Variants in CLNK observed in about 807,000 individuals in gnomAD.
The protein encoded by CLNK is cytokine dependent hematopoietic cell linker, also known as cytokine-dependent hematopoietic cell linker.
CLNK carries 74 observed loss-of-function variants against 68.6 expected under a neutral mutation model. That is an observed-to-expected ratio of 1.08 (90% CI 0.89 to 1.31). The LOEUF is 1.31. CLNK is among the 50% of genes most tolerant of loss of function. The probability of loss-of-function intolerance (pLI) is 0.00; values close to 1 mark genes in which losing one functional copy is unlikely to be tolerated. For synonymous variants in CLNK, 198 were observed against 172.2 expected (o/e 1.15, Z -1.17); for missense variants, 553 against 515.3 (o/e 1.07, Z -0.71).
Position 10,573,218 on chromosome 4 carries a change from C to T in CLNK, c.113-1440G>A, listed in dbSNP as rs527711587. 1.8e-3 allele frequency among the ~76,000 whole-genome samples: 268 copies of T among 152,238 alleles called. 1 individual carries two copies. Among genetic ancestry groups the T allele is most frequent in the African/African-American group, 6.3e-3 (260 of 41,532 alleles). Reference sequence around the variant, plus strand: ...AAGAGTTGTTAATTGTATCAGCATGCCCAAATCTTTTCTAAGGTGTAATGT... The same window carrying T: ...AAGAGTTGTTAATTGTATCAGCATGTCCAAATCTTTTCTAAGGTGTAATGT... On this transcript the variant is annotated intron_variant, in intron 4 of 18. Coordinates refer to ENST00000226951, the MANE Select transcript of CLNK (RefSeq NM_052964.4).
chr4:10,590,874 C>T (rs1721156506), intron 3 of CLNK, among the ~76,000 whole-genome samples: 1 of 152,128 alleles, frequency 6.6e-6, no homozygotes, highest in African/African-American at 2.4e-5. Context: ...TGGTGGAAAG[C>T]ATCTTTATCT....
intron 7 of CLNK, among the ~76,000 whole-genome samples, chr4:10,559,975 T>C (rs1719822816): frequency 1.3e-5 from 2 of 152,058 alleles, no homozygotes; most frequent in African/African-American, 2.4e-5. Flanking sequence ...AGAACTCAGT[T>C]GTGACAACCA....
the CLNK span, among the ~76,000 whole-genome samples, chr4:10,732,580 T>G: frequency 6.6e-6 from 1 of 152,118 alleles, no homozygotes; most frequent in East Asian, 1.9e-4. Flanking sequence ...GGACTAGCCT[T>G]TTACATTCCA....
At chr4:10,596,978 T>C (rs908262473) in intron 3 of CLNK, among the ~76,000 whole-genome samples, 1 of 152,242 alleles carries the variant, frequency 6.6e-6, no homozygotes, top group Non-Finnish European at 1.5e-5. Flanking sequence ...CAAATGTATT[T>C]AGTGTAAACA....
At chr4:10,626,046 T>A (rs1722657745) in intron 2 of CLNK, among the ~76,000 whole-genome samples, 1 of 152,182 alleles carries the variant, frequency 6.6e-6, no homozygotes, top group African/African-American at 2.4e-5. Context: ...TTGGGGGACA[T>A]CCTTCACTCG....
At chr4:10,604,871 T>C (rs892135674) in intron 2 of CLNK, among the ~76,000 whole-genome samples, 2 of 152,228 alleles carry the variant, frequency 1.3e-5, no homozygotes, top group African/African-American at 4.8e-5. Flanking sequence ...TGCCCAGTTG[T>C]TTGTTCAAAC....
chr4:10,536,373 C>T (rs1053344180), intron 11 of CLNK, among the ~76,000 whole-genome samples: 1 of 152,212 alleles, frequency 6.6e-6, no homozygotes, highest in Non-Finnish European at 1.5e-5. Flanking sequence ...TTACATGGGA[C>T]TTGGGCATCA....
At chr4:10,664,231 A>C (rs1050265895) in intron 2 of CLNK, among the ~76,000 whole-genome samples, 1 of 6,812 alleles carries the variant, frequency 1.5e-4, no homozygotes, top group Non-Finnish European at 4.7e-4. Context: ...TTAACAAGTA[A>C]AAAAAAAAAA....
At chr4:10,610,033 G>GTTTTTTTTTTTTTTT (rs71181047) in intron 2 of CLNK, among the ~76,000 whole-genome samples, 4 of 73,448 alleles carry the variant, frequency 5.4e-5, no homozygotes, top group Admixed American at 3.2e-4. Flanking sequence ...ATGAATGCTC[G>GTTTTTTTTTTTTTTT]TTTTTTTTTT....
In CLNK at chr4:10,646,995, C is replaced by T. The variant is rs78793191; in HGVS notation, c.11+20864G>A. Among the ~76,000 whole-genome samples, 1,061 of 152,258 alleles carry T rather than the reference C, an allele frequency of 7.0e-3. 3 individuals are homozygous for T. Among genetic ancestry groups the T allele is most frequent in the Non-Finnish European group, 8.7e-3 (591 of 68,018 alleles). On this transcript the variant is annotated intron_variant, in intron 2 of 18. Coordinates refer to ENST00000226951, the MANE Select transcript of CLNK (RefSeq NM_052964.4). ...GGTTTTTGCCACATTCTTTTTGTTG[C>T]CATCACTGAACATTGTATACATCTC... is the stretch of plus-strand genomic sequence containing the variant.
At chr4:10,520,042 C>CT (rs57157988) in intron 15 of CLNK, among the ~76,000 whole-genome samples, 1 of 148,806 alleles carries the variant, frequency 6.7e-6, no homozygotes, top group African/African-American at 2.5e-5. Context: ...CTTAAGCCCC[C>CT]TTTTTTTTTT....
At chr4:10,529,000 T>C (rs144287479) in intron 12 of CLNK, among the ~76,000 whole-genome samples, 1 of 152,328 alleles carries the variant, frequency 6.6e-6, no homozygotes, top group African/African-American at 2.4e-5. Context: ...GGCCCTATTC[T>C]ACTCTACCCT....
At chr4:10,689,041 G>A (rs148401047), upstream of CLNK, among the ~76,000 whole-genome samples, 3 of 151,706 alleles carry the variant, frequency 2.0e-5, no homozygotes, top group Admixed American at 1.3e-4. Flanking sequence ...TTGAGGCAAC[G>A]TGCTGGGGGA....
intron 3 of CLNK, among the ~76,000 whole-genome samples, chr4:10,593,576 C>T (rs1232869233): frequency 6.6e-6 from 1 of 152,162 alleles, no homozygotes; most frequent in African/African-American, 2.4e-5. Context: ...ATTGCTTGAA[C>T]CTGAGAGGCG....
chr4:10,720,085 A>T, the CLNK span, among the ~76,000 whole-genome samples: 1 of 152,182 alleles, frequency 6.6e-6, no homozygotes, highest in Admixed American at 6.5e-5. Context: ...TAGAGCACTA[A>T]CTGCAAATGT....
At chr4:10,712,007 C>T in the CLNK span, among the ~76,000 whole-genome samples, 7 of 152,030 alleles carry the variant, frequency 4.6e-5, no homozygotes, top group South Asian at 2.1e-4. Flanking sequence ...AAAGGAAGTG[C>T]GGCATCTGCT....
At chr4:10,547,672 C>A (rs1719289818) in intron 8 of CLNK, among the ~76,000 whole-genome samples, 1 of 152,120 alleles carries the variant, frequency 6.6e-6, no homozygotes, top group Non-Finnish European at 1.5e-5. Flanking sequence ...CTCCTGGCAG[C>A]CACCATTCTA....
At chr4:10,672,256 C>T (rs1724676798) in intron 1 of CLNK, among the ~76,000 whole-genome samples, 1 of 152,168 alleles carries the variant, frequency 6.6e-6, no homozygotes, top group Admixed American at 6.5e-5. Context: ...CTGGATCTTG[C>T]AAGACTGCCA....
chr4:10,615,557 A>C (rs1262014298), intron 2 of CLNK, among the ~76,000 whole-genome samples: 1 of 152,124 alleles, frequency 6.6e-6, no homozygotes, highest in Non-Finnish European at 1.5e-5. Context: ...AAGAAAGAAA[A>C]AAAATGAAAA....
Sources: allele counts gnomAD v4.1 joint callset (sites outside exome capture counted in the v4.1 genomes callset), GRCh38; gene constraint gnomAD v4.1.1; transcripts MANE v1.5; gene names NCBI Gene and HGNC (gene_info 2026-07-23, HGNC 2026-07-21).